The following ATP2B1 variants were observed in gnomAD, a reference collection of about 807,000 sequenced individuals.
The protein encoded by ATP2B1 is ATPase plasma membrane Ca2+ transporting 1.
In ATP2B1, 14 loss-of-function variants were observed where a neutral mutation model predicts 124.2. That is an observed-to-expected ratio of 0.11 (90% CI 0.07 to 0.18). The LOEUF (loss-of-function observed/expected upper bound fraction) is 0.18. ATP2B1 is among the 10% of genes least tolerant of loss of function. The pLI is 1.00. For synonymous variants in ATP2B1, 449 were observed against 492.4 expected (o/e 0.91, Z 1.17); for missense variants, 763 against 1,466.1 (o/e 0.52, Z 7.83).
At position 89,610,122 on chromosome 12, in the gene ATP2B1, T is replaced by C. The variant is rs1236952185; in HGVS notation, c.2336-79A>G. ...ATTCTGAAGAATATCCTGACGTCGG[T>C]TTTATAGACTCAAGGTTAAAAATAA... On this transcript the variant is annotated intron_variant, in intron 14 of 20. Transcript: ENST00000428670. 7 of 1,266,408 alleles carry C rather than the reference T, an allele frequency of 5.5e-6. No individual in the cohort carries two copies. The African/African-American group carries it at 7.6e-5, about 14-fold the overall frequency. The allele number at this position is 1,266,408 out of a possible 1,614,324, so 78.4% of individuals were successfully genotyped here.
At chr12:89,681,342 C>G (rs769292749) in intron 1 of ATP2B1, among the ~76,000 whole-genome samples, 3 of 150,496 alleles carry the variant, frequency 2.0e-5, no homozygotes, top group Non-Finnish European at 4.4e-5. Flanking sequence ...ATAACAGAGA[C>G]AGATGAAACA....
chr12:89,666,738 G>C (rs1887356593), intron 1 of ATP2B1, among the ~76,000 whole-genome samples: 1 of 152,062 alleles, frequency 6.6e-6, no homozygotes, highest in Admixed American at 6.5e-5. Flanking sequence ...AGTCATATAT[G>C]ATCCACGGAC....
intron 5 of ATP2B1, among the ~76,000 whole-genome samples, chr12:89,632,755 A>C (rs1472526489): frequency 6.6e-6 from 1 of 152,236 alleles, no homozygotes; most frequent in Non-Finnish European, 1.5e-5. Flanking sequence ...TAGGGAAATA[A>C]ATGCAGAAAA....
chr12:89,693,504 T>A (rs1313030095), intron 1 of ATP2B1, among the ~76,000 whole-genome samples: 3 of 152,220 alleles, frequency 2.0e-5, no homozygotes, highest in African/African-American at 7.2e-5. Flanking sequence ...ATGACTAGTT[T>A]GGATGAGGAC....
chr12:89,685,368 C>T (rs1419939350), intron 1 of ATP2B1, among the ~76,000 whole-genome samples: 5 of 152,148 alleles, frequency 3.3e-5, no homozygotes, highest in Admixed American at 2.0e-4. Flanking sequence ...TCTTCTATTT[C>T]CCACTGCAAT....
At position 89,603,737 on chromosome 12, in the gene ATP2B1, T is replaced by C; in HGVS notation, c.2823A>G (p.Val941=). 1 of 1,613,978 alleles carries C rather than the reference T, an allele frequency of 6.2e-7. No individual in the cohort carries two copies. The highest frequency in any genetic ancestry group is 8.5e-7 in the Non-Finnish European group (1 of 1,179,820). ...NILGHAFYQL[V]VVFTLLFAGE... is the part of the protein sequence containing the mutation. ...CAGCAAATAAGAGTGTAAAGACTAC[T>C]ACAAGTTGATAGAATGCATGACCCA... is the stretch of plus-strand genomic sequence containing the variant. Residue 941 remains valine (V), a synonymous_variant, in exon 17 of 21, where the codon GTA becomes GTG. Coordinates refer to ENST00000428670, the MANE Select transcript of ATP2B1 (RefSeq NM_001366521.1). The surrounding 1 kb of genome is among the most constrained non-coding windows in gnomAD (Gnocchi z 4.3).
At chr12:89,690,135 A>G (rs769398065) in intron 1 of ATP2B1, among the ~76,000 whole-genome samples, 1 of 152,134 alleles carries the variant, frequency 6.6e-6, no homozygotes, top group Admixed American at 6.6e-5. Context: ...GTATGACTAT[A>G]AAGCAATAAC....
intron 1 of ATP2B1, among the ~76,000 whole-genome samples, chr12:89,699,111 C>G (rs1843177514): frequency 6.6e-6 from 1 of 152,172 alleles, no homozygotes; most frequent in African/African-American, 2.4e-5. Context: ...GTTTTCCCAG[C>G]TTTGAGCTCT....
intron 1 of ATP2B1, among the ~76,000 whole-genome samples, chr12:89,677,646 T>C (rs1888770616): frequency 6.6e-6 from 1 of 152,018 alleles, no homozygotes; most frequent in Non-Finnish European, 1.5e-5. Flanking sequence ...ATAAACTGGT[T>C]CCTTCAACTC....
chr12:89,703,512 G>C (rs912836017), intron 1 of ATP2B1, among the ~76,000 whole-genome samples: 10 of 152,082 alleles, frequency 6.6e-5, no homozygotes, highest in African/African-American at 2.2e-4. Flanking sequence ...AGGAATATCC[G>C]ATCTTTTCTT....
chr12:89,593,892 TAA>T (rs1465478399), intron 20 of ATP2B1: 1 of 152,008 alleles, frequency 6.6e-6, no homozygotes, highest in Non-Finnish European at 1.5e-5. Context: ...TAATTAGTGC[TAA>T]AGAGTCTTAA....
chr12:89,593,307 G>A (rs943270125), intron 20 of ATP2B1: 1 of 151,886 alleles, frequency 6.6e-6, no homozygotes, highest in Non-Finnish European at 1.5e-5. Flanking sequence ...AAAATTTGTT[G>A]GTATCAGCAG....
At chr12:89,640,260 T>C (rs1390523425) in intron 3 of ATP2B1, among the ~76,000 whole-genome samples, 3 of 152,182 alleles carry the variant, frequency 2.0e-5, no homozygotes, top group African/African-American at 4.8e-5. Context: ...ACTACTTATT[T>C]AGCAAAAATA....
intron 1 of ATP2B1, among the ~76,000 whole-genome samples, chr12:89,685,825 AC>A (rs1464702116): frequency 6.6e-6 from 1 of 152,076 alleles, no homozygotes; most frequent in East Asian, 1.9e-4. Context: ...TATGGGTGGG[AC>A]CCTAATCCAA....
Position 89,591,152 on chromosome 12 carries a change from A to G in ATP2B1, c.3495T>C (p.Thr1165=). The G allele has an allele frequency of 6.2e-7, 1 of 1,613,388 alleles. No homozygotes were observed. Among genetic ancestry groups the G allele is most frequent in the Non-Finnish European group, 8.5e-7 (1 of 1,179,446 alleles). Residue 1165 remains threonine (T), a synonymous_variant, in exon 21 of 21, where the codon ACT becomes ACC. Transcript: ENST00000428670. ...SEPHIPLIDD[T]DAEDDAPTKR... The stretch of plus-strand genomic sequence containing the variant: ...TTGTAGGAGCATCATCTTCGGCATC[A>G]GTGTCATCAATAAGGGGGATATGAG...
chr12:89,605,649 C>T (rs1876695504), intron 15 of ATP2B1, among the ~76,000 whole-genome samples: 1 of 152,124 alleles, frequency 6.6e-6, no homozygotes, highest in South Asian at 2.1e-4. Flanking sequence ...AAGACAAACC[C>T]TTTCTCAGGA....
At chr12:89,668,843 TTC>T (rs1348300856) in intron 1 of ATP2B1, among the ~76,000 whole-genome samples, 1 of 152,190 alleles carries the variant, frequency 6.6e-6, no homozygotes, top group East Asian at 1.9e-4. Context: ...ATCTCCTTTT[TTC>T]TCTCTTTGGA....
At chr12:89,635,333 TTGTGTTAA>T in intron 3 of ATP2B1, 82 bp from the exon 4 acceptor site, 1 of 1,440,706 alleles carries the variant, frequency 6.9e-7, no homozygotes, top group Non-Finnish European at 9.3e-7. Context: ...AATCATATTT[TTGTGTTAA>T]TTATGTTTAT....
At chr12:89,598,059 A>AAAAAAAAAAAAAAC (rs1397130960) in intron 20 of ATP2B1, among the ~76,000 whole-genome samples, 1 of 150,890 alleles carries the variant, frequency 6.6e-6, no homozygotes, top group African/African-American at 2.4e-5. Flanking sequence ...AAAAAAAAAA[A>AAAAAAAAAAAAAAC]AAAATCAAAG....
Sources: gnomAD v4.1 joint callset for allele counts (sites outside exome capture counted in the v4.1 genomes callset) on GRCh38, gnomAD v4.1.1 for gene constraint, Gnocchi (gnomAD v3.1) non-coding constraint, MANE v1.5 for transcripts, NCBI Gene and HGNC (gene_info 2026-07-23, HGNC 2026-07-21) for gene names.